SPATA31A6: variants seen among roughly 807,000 people sequenced by gnomAD.
The protein encoded by SPATA31A6 is SPATA31 subfamily A member 6, also known as spermatogenesis-associated protein 31A6.
In SPATA31A6, 9 loss-of-function variants were observed where a neutral mutation model predicts 11.9. The ratio of observed to expected loss-of-function variants is 0.76; its 90% CI spans 0.46 to 1.32. The LOEUF (loss-of-function observed/expected upper bound fraction) is 1.32, where lower values mean the gene tolerates loss of function less well. Ranked by LOEUF, SPATA31A6 falls within the 40% of genes most tolerant of loss-of-function variation. The probability of loss-of-function intolerance (pLI) is 0.00; values close to 1 mark genes in which losing one functional copy is unlikely to be tolerated. For missense variants in SPATA31A6, 855 were observed against 1,467.3 expected (o/e 0.58, Z 6.82); for synonymous variants, 314 against 572.1 (o/e 0.55, Z 6.44).
In SPATA31A6 at chr9:42,184,255, GATC is replaced by G. The variant is rs1829400681; in HGVS notation, c.189+380_189+382del. The stretch of plus-strand genomic sequence containing the variant: ...GGGCCCAGCCTCCCCTGTGTGGGGT[GATC>G]TGGGGCCTGTGCTGGGCCCCCGAGG... On this transcript the variant is annotated intron_variant, in intron 1 of 3. Transcript: ENST00000332857. Among the ~76,000 whole-genome samples, 3 of 134,266 alleles carry G rather than the reference GATC, an allele frequency of 2.2e-5. 1 individual carries two copies. In the East Asian group the frequency reaches 7.1e-4, roughly 32 times the overall value. The allele number at this position is 134,266 out of a possible 152,430, so 88.1% of individuals were successfully genotyped here. A position where few individuals can be genotyped will look rare whatever the true frequency, so the allele number is the denominator to read the frequency against.
rs1829469205 is a variant in SPATA31A6 at position 42,187,004 on chromosome 9, T to C, written c.1302T>C (p.Thr434=). The C allele has an allele frequency of 5.2e-6, 8 of 1,546,996 alleles. No homozygotes were observed. In the Middle Eastern group the frequency reaches 7.0e-4, roughly 135 times the overall value. ...CCCTGGTGGCTAACGCCTGGGTAAC[T>C]GACAGGTCTTATACTTTACAGTCTC... ...SESLVANAWV[T]DRSYTLQSPP... The change falls in exon 4 of 4, where the codon ACT becomes ACC. Residue 434 remains threonine (T), a synonymous_variant. Transcript: ENST00000332857.
At position 42,187,299 on chromosome 9, in the gene SPATA31A6, C is replaced by T. The variant is rs552389916; in HGVS notation, c.1597C>T (p.Leu533=). ...ASQNKVQALS[L]PETQHPEWPL... is the part of the protein sequence containing the mutation. ...GCAGAATAAAGTGCAAGCTCTCTCC[C>T]TACCTGAAACTCAGCACCCTGAATG... The change falls in exon 4 of 4, where the codon CTA becomes TTA. Residue 533 remains leucine (L), a synonymous_variant. Transcript: ENST00000332857. 4.7e-5 allele frequency: 72 copies of T among 1,540,750 alleles called. 14 individuals carry two copies. The African/African-American group carries it at 9.0e-4, about 19-fold the overall frequency.
rs7043872 is a variant in SPATA31A6 at position 42,183,882 on chromosome 9, G to A, written c.189+6G>A. The A allele has an allele frequency of 1.2e-4, 186 of 1,529,728 alleles. 39 individuals carry two copies. The African/African-American group carries it at 2.6e-3, about 22-fold the overall frequency. The allele number at this position is 1,529,728 out of a possible 1,614,324, so 94.8% of individuals were successfully genotyped here. A position where few individuals can be genotyped will look rare whatever the true frequency, so the allele number is the denominator to read the frequency against. On this transcript the variant is annotated splice_donor_region_variant and intron_variant, in intron 1 of 3. Transcript: ENST00000332857. ...CATCGCCTGGGAAGAGAAAGGTAAG[G>A]AACCCTCAGTCCCGACCCACAGAGC...
rs776689744 is a variant in SPATA31A6 at position 42,187,290 on chromosome 9, G to T, written c.1588G>T (p.Ala530Ser). The change falls in exon 4 of 4, where the codon GCT becomes TCT. Residue 530 changes from alanine to serine, a missense_variant. Coordinates refer to ENST00000332857, the MANE Select transcript of SPATA31A6 (RefSeq NM_001145196.1). ...CCCTGCATCGCAGAATAAAGTGCAA[G>T]CTCTCTCCCTACCTGAAACTCAGCA... is the stretch of plus-strand genomic sequence containing the variant. Reference protein sequence around the residue: ...ACPASQNKVQALSLPETQHPE... With the variant: ...ACPASQNKVQSLSLPETQHPE... The T allele has an allele frequency of 1.3e-6, 2 of 1,539,844 alleles. 1 individual carries two copies. The highest frequency in any genetic ancestry group is 3.5e-5 in the Admixed American group (2 of 56,844).
rs1355331584 is a variant in SPATA31A6 at position 42,187,005 on chromosome 9, G to A, written c.1303G>A (p.Asp435Asn). The A allele has an allele frequency of 3.2e-6, 5 of 1,546,828 alleles. No homozygotes were observed. Among genetic ancestry groups the A allele is most frequent in the Non-Finnish European group, 4.4e-6 (5 of 1,141,966 alleles). The change falls in exon 4 of 4, where the codon GAC becomes AAC. Residue 435 changes from aspartate to asparagine, a missense_variant. Coordinates refer to ENST00000332857, the MANE Select transcript of SPATA31A6 (RefSeq NM_001145196.1). ...ESLVANAWVT[D>N]RSYTLQSPPF... ...CCTGGTGGCTAACGCCTGGGTAACT[G>A]ACAGGTCTTATACTTTACAGTCTCC...
Position 42,187,295 on chromosome 9 carries a change from C to G in SPATA31A6, c.1593C>G (p.Leu531=). ...CATCGCAGAATAAAGTGCAAGCTCT[C>G]TCCCTACCTGAAACTCAGCACCCTG... ...CPASQNKVQA[L]SLPETQHPEW... is the part of the protein sequence containing the mutation. Residue 531 remains leucine (L), a synonymous_variant, in exon 4 of 4, where the codon CTC becomes CTG. Transcript: ENST00000332857. 1 of 1,541,018 alleles carries G rather than the reference C, an allele frequency of 6.5e-7. No individual in the cohort carries two copies. Among genetic ancestry groups the G allele is most frequent in the South Asian group, 1.2e-5 (1 of 86,446 alleles).
rs747363431 is a variant in SPATA31A6 at position 42,189,122 on chromosome 9, G to C, written c.3420G>C (p.Gln1140His). Reference sequence around the variant, plus strand: ...TCAGGAAAACAGAAGACACCCATCAGGATGAAGGCGTCCAGCTACTGCCAT... The same window carrying C: ...TCAGGAAAACAGAAGACACCCATCACGATGAAGGCGTCCAGCTACTGCCAT... ...TPVRKTEDTHQDEGVQLLPSK... is the reference protein window; with the variant it reads ...TPVRKTEDTHHDEGVQLLPSK... Residue 1140 changes from glutamine to histidine, a missense_variant, in exon 4 of 4, where the codon CAG becomes CAC. By Grantham distance (24) the Gln-to-His change is conservative. Coordinates refer to ENST00000332857, the MANE Select transcript of SPATA31A6 (RefSeq NM_001145196.1). The C allele has an allele frequency of 1.9e-6, 3 of 1,544,614 alleles. 1 individual carries two copies. Among genetic ancestry groups the C allele is most frequent in the Non-Finnish European group, 2.6e-6 (3 of 1,138,542 alleles).
In SPATA31A6 at chr9:42,188,432, TC is replaced by T; in HGVS notation, c.2732del (p.Pro911GlnfsTer27). 2 of 1,333,128 alleles carry T rather than the reference TC, an allele frequency of 1.5e-6. No homozygotes were observed. Among genetic ancestry groups the T allele is most frequent in the Non-Finnish European group, 2.0e-6 (2 of 993,378 alleles). The allele number at this position is 1,333,128 out of a possible 1,614,324, so 82.6% of individuals were successfully genotyped here. A position where few individuals can be genotyped will look rare whatever the true frequency, so the allele number is the denominator to read the frequency against. On this transcript the variant is annotated frameshift_variant, in exon 4 of 4. Coordinates refer to ENST00000332857, the MANE Select transcript of SPATA31A6 (RefSeq NM_001145196.1). LOFTEE classifies it low-confidence loss of function (END_TRUNC). The stretch of plus-strand genomic sequence containing the variant: ...ATGATCATGGGCCCTTGAAGCCTCC[TC>T]CAGCTGGACAGGAGGGCAGGTGGCC... Reference protein sequence around the residue: ...WNDHGPLKPPPAGQEGRWPSK... With the variant: ...WNDHGPLKPPXAGQEGRWPSK...
At position 42,184,195 on chromosome 9, in the gene SPATA31A6, T is replaced by C. The variant is rs552845888; in HGVS notation, c.189+319T>C. 7.6e-4 allele frequency among the ~76,000 whole-genome samples: 104 copies of C among 137,730 alleles called. 13 individuals carry two copies. Among genetic ancestry groups the C allele is most frequent in the Non-Finnish European group, 1.4e-3 (93 of 64,468 alleles). 90.4% of individuals were successfully genotyped at this position (137,730 alleles called of 152,430 possible). On this transcript the variant is annotated intron_variant, in intron 1 of 3. Transcript: ENST00000332857. The stretch of plus-strand genomic sequence containing the variant: ...CTGTCCGAGACCAGGCCCTGAGCCC[T>C]GGCTCATCAGCCCCTTTCTGGGGCA...
rs1243737713 is a variant in SPATA31A6 at position 42,184,537 on chromosome 9, T to TTTTA, written c.190-528_190-525dup. On this transcript the variant is annotated intron_variant, in intron 1 of 3. Transcript: ENST00000332857. ...TTTTATTTTATTTTATTTTATTTTA[T>TTTTA]TTTATTTTTTGAGATGGAGTCTCGC... 9.8e-3 allele frequency among the ~76,000 whole-genome samples: 1,285 copies of TTTTA among 131,606 alleles called. 284 individuals are homozygous for TTTTA. Among genetic ancestry groups the TTTTA allele is most frequent in the African/African-American group, 0.039 (1,230 of 31,484 alleles). The allele number at this position is 131,606 out of a possible 152,430, so 86.3% of individuals were successfully genotyped here.
chr9:42,188,922 G>A lies in SPATA31A6; in HGVS notation c.3220G>A (p.Ala1074Thr), dbSNP rs773291307. ...CCAGGAGCTACATGACCTCATGGCA[G>A]CCAGAAGGAGCAAACTGGTGCAAGA... is the stretch of plus-strand genomic sequence containing the variant. ...ASQELHDLMA[A>T]RRSKLVQEEP... The change falls in exon 4 of 4, where the codon GCC becomes ACC. Residue 1074 changes from alanine (A) to threonine (T), a missense_variant. Physicochemically the swap from Ala to Thr is moderately conservative, Grantham distance 58. Coordinates refer to ENST00000332857, the MANE Select transcript of SPATA31A6 (RefSeq NM_001145196.1). 4 of 1,540,596 alleles carry A rather than the reference G, an allele frequency of 2.6e-6. No homozygotes were observed. Among genetic ancestry groups the A allele is most frequent in the East Asian group, 2.4e-5 (1 of 42,044 alleles).
rs1163399963 is a variant in SPATA31A6 at position 42,189,386 on chromosome 9, A to C, written c.3684A>C (p.Val1228=). ...GCCATGCGCACCATGCCTCGAAGGT[A>C]AATCAGCACAAACAGAAGTTTCAAG... The part of the protein sequence containing the change: ...SLCHAHHASK[V]NQHKQKFQAP... The change falls in exon 4 of 4, where the codon GTA becomes GTC. Residue 1228 remains valine, a synonymous_variant. Transcript: ENST00000332857. 5 of 1,549,342 alleles carry C rather than the reference A, an allele frequency of 3.2e-6. 1 individual carries two copies. The highest frequency in any genetic ancestry group is 1.7e-4 in the Middle Eastern group (1 of 5,726).
Position 42,183,718 on chromosome 9 carries a change from C to G in SPATA31A6, c.31C>G (p.Leu11Val). The G allele has an allele frequency of 6.5e-7, 1 of 1,536,180 alleles. No homozygotes were observed. Among genetic ancestry groups the G allele is most frequent in the Non-Finnish European group, 8.8e-7 (1 of 1,138,590 alleles). Residue 11 changes from leucine to valine, a missense_variant, in exon 1 of 4, where the codon CTT becomes GTT. Physicochemically the swap from Leu to Val is conservative, Grantham distance 32. Coordinates refer to ENST00000332857, the MANE Select transcript of SPATA31A6 (RefSeq NM_001145196.1). MENLPFPLKL[L>V]SASSLNAPSS... ...GAATCTTCCCTTTCCTTTAAAATTA[C>G]TTAGTGCCTCATCGCTAAACGCCCC...
rs1228520192 is a variant in SPATA31A6 at position 42,184,931 on chromosome 9, G to T, written c.190-138G>T. The stretch of plus-strand genomic sequence containing the variant: ...CTGAGCAAGACAGAGAGAGTCATGC[G>T]GTTCCTGAGTGCAGCATGCTGCGGC... On this transcript the variant is annotated intron_variant, in intron 1 of 3. Coordinates refer to ENST00000332857, the MANE Select transcript of SPATA31A6 (RefSeq NM_001145196.1). The T allele has an allele frequency of 5.6e-6, 8 of 1,422,174 alleles. 3 individuals carry two copies. In the East Asian group the frequency reaches 1.0e-4, roughly 18 times the overall value. 88.1% of individuals were successfully genotyped at this position (1,422,174 alleles called of 1,614,324 possible).
Position 42,185,608 on chromosome 9 carries a change from G to A in SPATA31A6, c.248-87G>A. 2.3e-6 allele frequency: 3 copies of A among 1,324,740 alleles called. 1 individual carries two copies. Among genetic ancestry groups the A allele is most frequent in the Non-Finnish European group, 2.1e-6 (2 of 953,326 alleles). 82.1% of individuals were successfully genotyped at this position (1,324,740 alleles called of 1,614,324 possible). On this transcript the variant is annotated intron_variant, in intron 2 of 3. Transcript: ENST00000332857. ...TGGGGTCCAGGGTCTAATTCCCCATGGTCCTCCCTAAAGAAACAGCCACTC... is the reference window on the plus strand; with the variant it reads ...TGGGGTCCAGGGTCTAATTCCCCATAGTCCTCCCTAAAGAAACAGCCACTC...
In SPATA31A6 at chr9:42,187,326, C is replaced by T. The variant is rs1006530051; in HGVS notation, c.1624C>T (p.Pro542Ser). 4.5e-6 allele frequency: 7 copies of T among 1,539,836 alleles called. 2 individuals are homozygous for T. Among genetic ancestry groups the T allele is most frequent in the Non-Finnish European group, 5.3e-6 (6 of 1,137,516 alleles). Reference sequence around the variant, plus strand: ...ACCTGAAACTCAGCACCCTGAATGGCCTTTGTTGAGGAAACAACTAGAAGG... The same window carrying T: ...ACCTGAAACTCAGCACCCTGAATGGTCTTTGTTGAGGAAACAACTAGAAGG... ...SLPETQHPEW[P>S]LLRKQLEGRL... The change falls in exon 4 of 4, where the codon CCT becomes TCT. Residue 542 changes from proline to serine, a missense_variant. Coordinates refer to ENST00000332857, the MANE Select transcript of SPATA31A6 (RefSeq NM_001145196.1).
rs756755121 is a variant in SPATA31A6, at chr9:42,189,523, G to T, written c.3821G>T (p.Cys1274Phe). 3.2e-6 allele frequency: 5 copies of T among 1,554,226 alleles called. 1 individual carries two copies. Among genetic ancestry groups the T allele is most frequent in the Admixed American group, 3.6e-5 (2 of 56,014 alleles). The change falls in exon 4 of 4, where the codon TGT becomes TTT. Residue 1274 changes from cysteine (C) to phenylalanine (F), a missense_variant. Transcript: ENST00000332857. ...SQQATLKSQG[C>F]PNRDRQIRNQ... ...CAAGCCACTCTCAAGAGCCAGGGTTGTCCCAACAGAGACAGGCAAATCAGA... is the reference window on the plus strand; with the variant it reads ...CAAGCCACTCTCAAGAGCCAGGGTTTTCCCAACAGAGACAGGCAAATCAGA...
Position 42,186,561 on chromosome 9 carries a change from G to A in SPATA31A6, c.859G>A (p.Ala287Thr). 4 of 1,524,970 alleles carry A rather than the reference G, an allele frequency of 2.6e-6. 1 individual carries two copies. In the South Asian group the frequency reaches 3.5e-5, roughly 13 times the overall value. 94.5% of individuals were successfully genotyped at this position (1,524,970 alleles called of 1,614,324 possible). A position where few individuals can be genotyped will look rare whatever the true frequency, so the allele number is the denominator to read the frequency against. Reference sequence around the variant, plus strand: ...TGCCTCCTCCCGGTGGCAGGAGACTGCCAGAACCTCGTGCGCCTTTAACTC... The same window carrying A: ...TGCCTCCTCCCGGTGGCAGGAGACTACCAGAACCTCGTGCGCCTTTAACTC... The part of the protein sequence containing the change: ...VSASSRWQET[A>T]RTSCAFNSSV... Residue 287 changes from alanine to threonine, a missense_variant, in exon 4 of 4, where the codon GCC becomes ACC. Ala to Thr is a moderately conservative substitution (Grantham distance 58). Transcript: ENST00000332857.
Position 42,189,422 on chromosome 9 carries a change from T to C in SPATA31A6, c.3720T>C (p.Cys1240=). ...QHKQKFQAPV[C]GFPCNHRHLF... is the part of the protein sequence containing the mutation. ...AACAGAAGTTTCAAGCCCCAGTCTGTGGGTTTCCCTGCAACCACAGGCACC... is the reference window on the plus strand; with the variant it reads ...AACAGAAGTTTCAAGCCCCAGTCTGCGGGTTTCCCTGCAACCACAGGCACC... The change falls in exon 4 of 4, where the codon TGT becomes TGC. Residue 1240 remains cysteine, a synonymous_variant. Coordinates refer to ENST00000332857, the MANE Select transcript of SPATA31A6 (RefSeq NM_001145196.1). 6.4e-7 allele frequency: 1 copy of C among 1,563,364 alleles called. No individual in the cohort carries two copies. Among genetic ancestry groups the C allele is most frequent in the Non-Finnish European group, 8.6e-7 (1 of 1,157,278 alleles).
Sources: allele counts gnomAD v4.1 joint callset (sites outside exome capture counted in the v4.1 genomes callset), GRCh38; gene constraint gnomAD v4.1.1; transcripts MANE v1.5; gene names NCBI Gene and HGNC (gene_info 2026-07-23, HGNC 2026-07-21).